The following KIAA0319L variants were observed in gnomAD, a reference collection of about 807,000 sequenced individuals.
KIAA0319L encodes KIAA0319 like.
KIAA0319L carries 55 observed loss-of-function variants against 120.1 expected under a neutral mutation model. The ratio of observed to expected loss-of-function variants is 0.46; its 90% confidence interval spans 0.37 to 0.57. The LOEUF (loss-of-function observed/expected upper bound fraction) is 0.57, where lower values mean the gene tolerates loss of function less well. Ranked by LOEUF, KIAA0319L falls within the 20% of genes least tolerant of loss-of-function variation. The pLI is 0.00. For missense variants in KIAA0319L, 1,049 were observed against 1,255.3 expected, an observed-to-expected ratio of 0.84 and a Z score of 2.48; for synonymous variants, 398 against 471.9, an observed-to-expected ratio of 0.84 and a Z score of 2.03.
chr1:35,541,351 T>C (rs1646785129), intron 2 of KIAA0319L, among the ~76,000 whole-genome samples: 1 of 136,956 alleles, frequency 7.3e-6, no homozygotes, highest in Admixed American at 7.1e-5. Context: ...TTTTTTTCCT[T>C]TTTTTTTTTT....
chr1:35,477,192 G>T (rs1194001982), intron 4 of KIAA0319L, among the ~76,000 whole-genome samples: 1 of 152,112 alleles, frequency 6.6e-6, no homozygotes, highest in Non-Finnish European at 1.5e-5. Flanking sequence ...CATTTGACAA[G>T]GGATTAATAA....
chr1:35,529,579 A>G (rs183620376), intron 2 of KIAA0319L, among the ~76,000 whole-genome samples: 76 of 152,372 alleles, frequency 5.0e-4, no homozygotes, highest in African/African-American at 1.8e-3. Context: ...CACTAGGTAC[A>G]GTATCCTTAA....
chr1:35,454,607 T>C, intron 10 of KIAA0319L, 122 bp from the exon 11 acceptor site: 1 of 1,472,408 alleles, frequency 6.8e-7, no homozygotes. Flanking sequence ...ACTGGGCTAT[T>C]ACGTACCAGT....
At chr1:35,542,698 C>T (rs1646837849) in intron 2 of KIAA0319L, among the ~76,000 whole-genome samples, 1 of 152,230 alleles carries the variant, frequency 6.6e-6, no homozygotes, top group Admixed American at 6.5e-5. Flanking sequence ...TAACCACACA[C>T]ATAGTTCTTG....
At chr1:35,451,806 T>C (rs757043009) in intron 12 of KIAA0319L, 30 bp from the exon 13 acceptor site, 4 of 1,611,172 alleles carry the variant, frequency 2.5e-6, no homozygotes, top group African/African-American at 1.3e-5. Flanking sequence ...AGGGTAGAGT[T>C]GTACCTGTCT....
At chr1:35,534,461 G>T (rs1259232967) in intron 2 of KIAA0319L, among the ~76,000 whole-genome samples, 1 of 152,196 alleles carries the variant, frequency 6.6e-6, no homozygotes, top group African/African-American at 2.4e-5. Context: ...CCTGAATCTT[G>T]CAGTACTTTG....
rs1400835551 is a variant in KIAA0319L, at chr1:35,456,152, T to C, written c.1517A>G (p.Asn506Ser). The C allele has an allele frequency of 4.3e-6, 7 of 1,613,786 alleles. No individual in the cohort carries two copies. The highest frequency in any genetic ancestry group is 2.2e-5 in the East Asian group (1 of 44,856). Residue 506 changes from asparagine to serine, a missense_variant, in exon 10 of 21, where the codon AAC (asparagine) becomes AGC (serine). By Grantham distance (46) the Asn-to-Ser change is conservative. Coordinates refer to ENST00000325722, the MANE Select transcript of KIAA0319L (RefSeq NM_024874.5). ...NKAVDYPPVA[N>S]AGPNQVITLP... ...GGTGATCACTTGGTTGGGGCCTGCG[T>C]TGGCCACAGGGGGGTAATCCACAGC...
chr1:35,533,396 GAAAA>G (rs142953261), intron 2 of KIAA0319L: 1 of 150,342 alleles, frequency 6.7e-6, no homozygotes, highest in Non-Finnish European at 1.5e-5. Flanking sequence ...TTTCAAAAAA[GAAAA>G]AAAAAGCAGT....
chr1:35,480,079 G>A (rs958487609), intron 3 of KIAA0319L, among the ~76,000 whole-genome samples: 4 of 151,136 alleles, frequency 2.6e-5, no homozygotes, highest in African/African-American at 7.3e-5. Flanking sequence ...TGAAGGAGAA[G>A]AGCCCTAAGC....
At chr1:35,478,888 C>T in intron 4 of KIAA0319L, 78 bp downstream of exon 4, 1 of 1,505,630 alleles carries the variant, frequency 6.6e-7, no homozygotes. Flanking sequence ...TGCCTCCCTT[C>T]CTTCTTTCCT....
chr1:35,496,582 C>G (rs1256462720), intron 3 of KIAA0319L, among the ~76,000 whole-genome samples: 1 of 152,094 alleles, frequency 6.6e-6, no homozygotes, highest in Non-Finnish European at 1.5e-5. Flanking sequence ...ATCCAATATC[C>G]ATTAACAGGT....
At chr1:35,463,873 T>C (rs549422830) in intron 7 of KIAA0319L, among the ~76,000 whole-genome samples, 1 of 152,240 alleles carries the variant, frequency 6.6e-6, no homozygotes, top group African/African-American at 2.4e-5. Flanking sequence ...CTCATGATAG[T>C]GAATGAGTCT....
chr1:35,541,811 T>C (rs561302373), intron 2 of KIAA0319L, among the ~76,000 whole-genome samples: 2 of 152,258 alleles, frequency 1.3e-5, no homozygotes, highest in Admixed American at 6.5e-5. Flanking sequence ...GAGAGCAAGG[T>C]GGAGTCGTGG....
intron 9 of KIAA0319L, among the ~76,000 whole-genome samples, chr1:35,456,879 G>C (rs1275868045): frequency 1.5e-5 from 2 of 135,800 alleles, no homozygotes; most frequent in African/African-American, 5.7e-5. Flanking sequence ...AGGGAAGGAA[G>C]GAGGGAGGGA....
At chr1:35,517,165 T>A (rs12034327) in intron 2 of KIAA0319L, among the ~76,000 whole-genome samples, 4,019 of 152,196 alleles carry the variant, frequency 0.026, 215 homozygotes, top group East Asian at 0.24. Flanking sequence ...ATGCTATACC[T>A]ATCAAACTAC....
chr1:35,461,199 G>C (rs1005406979), intron 8 of KIAA0319L, among the ~76,000 whole-genome samples: 3 of 152,158 alleles, frequency 2.0e-5, no homozygotes, highest in Non-Finnish European at 4.4e-5. Context: ...AGGCATGGTG[G>C]CTCATGCCTG....
At chr1:35,492,505 C>T (rs1274946110) in intron 3 of KIAA0319L, among the ~76,000 whole-genome samples, 2 of 151,638 alleles carry the variant, frequency 1.3e-5, no homozygotes, top group African/African-American at 4.8e-5. Context: ...CAGAGCAACA[C>T]TCTGTCTCAA....
At chr1:35,512,871 C>CAAAAAAAA (rs746942793) in intron 2 of KIAA0319L, among the ~76,000 whole-genome samples, 5 of 48,354 alleles carry the variant, frequency 1.0e-4, no homozygotes, top group Non-Finnish European at 1.6e-4. Context: ...GACTCCATCT[C>CAAAAAAAA]AAAAAAAAAA....
At chr1:35,456,960 G>C (rs533155943) in intron 9 of KIAA0319L, among the ~76,000 whole-genome samples, 10 of 146,534 alleles carry the variant, frequency 6.8e-5, no homozygotes, top group African/African-American at 1.3e-4. Flanking sequence ...AGGAAGGAAG[G>C]AAGCAAGCTT....
Sources: gnomAD v4.1 joint callset for allele counts (sites outside exome capture counted in the v4.1 genomes callset) on GRCh38, gnomAD v4.1.1 for gene constraint, MANE v1.5 for transcripts, NCBI Gene and HGNC (gene_info 2026-07-23, HGNC 2026-07-21) for gene names.